PLEKHA5: variants seen among roughly 807,000 people sequenced by gnomAD.
PLEKHA5 encodes pleckstrin homology domain-containing family A member 5.
PLEKHA5 carries 55 observed loss-of-function variants against 181.9 expected under a neutral mutation model. The observed-to-expected ratio is 0.30, with a 90% confidence interval of 0.24 to 0.38. The LOEUF is 0.38. PLEKHA5 is among the 10% of genes least tolerant of loss of function. The pLI, the probability that PLEKHA5 is intolerant of heterozygous loss-of-function variation, is 1.00. For synonymous variants in PLEKHA5, 535 were observed against 529.4 expected (o/e 1.01, Z -0.15); for missense variants, 1,432 against 1,549.5 (o/e 0.92, Z 1.27).
At chr12:19,311,585 T>G (rs1033766546) in intron 15 of PLEKHA5, among the ~76,000 whole-genome samples, 1 of 152,238 alleles carries the variant, frequency 6.6e-6, no homozygotes, top group African/African-American at 2.4e-5. Context: ...AGATTTTATC[T>G]CAAGAAACTA....
intron 10 of PLEKHA5, among the ~76,000 whole-genome samples, chr12:19,273,212 T>G (rs976192824): frequency 6.6e-6 from 1 of 152,160 alleles, no homozygotes; most frequent in African/African-American, 2.4e-5. Flanking sequence ...CCTGGCCAAC[T>G]TTTATTTTTC....
At chr12:19,278,876 G>A (rs550639789) in intron 11 of PLEKHA5, among the ~76,000 whole-genome samples, 10 of 152,140 alleles carry the variant, frequency 6.6e-5, no homozygotes, top group African/African-American at 1.9e-4. Flanking sequence ...GAGACATTTC[G>A]TTCAATTTTG....
At chr12:19,356,681 T>TTG (rs2094947010) in intron 26 of PLEKHA5, among the ~76,000 whole-genome samples, 1 of 146,726 alleles carries the variant, frequency 6.8e-6, no homozygotes, top group Non-Finnish European at 1.5e-5. Flanking sequence ...TTTTTTTTTT[T>TTG]TTTGAGACAG....
chr12:19,374,618 C>T lies in PLEKHA5; in HGVS notation c.*12-913C>T, dbSNP rs1592683117. ...AGGTTGCAGTGAGCCAAGATTGCGC[C>T]ACTGCACTCCAGCCTGGGCGACAGA... On this transcript the variant is annotated intron_variant, in intron 31 of 31. Coordinates refer to ENST00000429027, the MANE Select transcript of PLEKHA5 (RefSeq NM_001256470.2). 4.4e-5 allele frequency among the ~76,000 whole-genome samples: 3 copies of T among 68,376 alleles called. 1 individual carries two copies. The highest frequency in any genetic ancestry group is 1.8e-4 in the African/African-American group (3 of 17,052). The allele number at this position is 68,376 out of a possible 152,430, so 44.9% of individuals were successfully genotyped here. A position where few individuals can be genotyped will look rare whatever the true frequency, so the allele number is the denominator to read the frequency against.
At chr12:19,198,485 C>T (rs1469426714) in intron 3 of PLEKHA5, among the ~76,000 whole-genome samples, 1 of 152,168 alleles carries the variant, frequency 6.6e-6, no homozygotes, top group East Asian at 1.9e-4. Context: ...TGTCTTAGTT[C>T]TTTGCATAAC....
chr12:19,273,671 A>G (rs1454799146), intron 10 of PLEKHA5, among the ~76,000 whole-genome samples: 1 of 152,210 alleles, frequency 6.6e-6, no homozygotes, highest in African/African-American at 2.4e-5. Context: ...GGCAACTAGA[A>G]TAGTGAGCAA....
intron 3 of PLEKHA5, among the ~76,000 whole-genome samples, chr12:19,177,487 T>G (rs2047588903): frequency 1.3e-5 from 2 of 152,202 alleles, no homozygotes; most frequent in African/African-American, 4.8e-5. Flanking sequence ...GCAGTTGTTA[T>G]GCAGACGAGT....
At chr12:19,141,030 G>T (rs2037111589) in intron 3 of PLEKHA5, among the ~76,000 whole-genome samples, 1 of 152,086 alleles carries the variant, frequency 6.6e-6, no homozygotes, top group African/African-American at 2.4e-5. Context: ...CTGACCTCAG[G>T]TCATCCACCT....
chr12:19,206,148 A>G (rs2055429578), intron 3 of PLEKHA5, among the ~76,000 whole-genome samples: 1 of 152,054 alleles, frequency 6.6e-6, no homozygotes, highest in African/African-American at 2.4e-5. Flanking sequence ...CTCTGAGCTC[A>G]TATTATGGTG....
intron 11 of PLEKHA5, among the ~76,000 whole-genome samples, chr12:19,281,768 TTTGTTGTTG>T (rs71064075): frequency 5.3e-5 from 8 of 149,618 alleles, no homozygotes; most frequent in Non-Finnish European, 7.4e-5. Context: ...CAAAGTGGTT[TTTGTTGTTG>T]TTGTTGTTGT....
chr12:19,368,796 A>G (rs777769790), intron 30 of PLEKHA5, among the ~76,000 whole-genome samples: 32 of 152,152 alleles, frequency 2.1e-4, no homozygotes, highest in Non-Finnish European at 4.0e-4. Flanking sequence ...CTGTCTCTAA[A>G]TAAATGAATA....
At chr12:19,290,950 T>C (rs1176537833) in intron 14 of PLEKHA5, among the ~76,000 whole-genome samples, 154 bp downstream of exon 14, 1 of 152,218 alleles carries the variant, frequency 6.6e-6, no homozygotes, top group African/African-American at 2.4e-5. Context: ...CCTTTGAGAA[T>C]TCAACTTATT....
At chr12:19,334,519 G>A (rs996909829) in intron 20 of PLEKHA5, among the ~76,000 whole-genome samples, 3 of 152,014 alleles carry the variant, frequency 2.0e-5, no homozygotes, top group Non-Finnish European at 4.4e-5. Flanking sequence ...GTGTTAGCCT[G>A]TAATACCCTC....
chr12:19,245,748 A>AC (rs1456835378), intron 3 of PLEKHA5, among the ~76,000 whole-genome samples: 1 of 150,258 alleles, frequency 6.7e-6, no homozygotes, highest in African/African-American at 2.5e-5. Flanking sequence ...AAAAAAAAAA[A>AC]AACCTTCCTT....
intron 10 of PLEKHA5, among the ~76,000 whole-genome samples, chr12:19,272,160 C>G (rs1227527750): frequency 6.6e-6 from 1 of 151,252 alleles, no homozygotes; most frequent in Non-Finnish European, 1.5e-5. Flanking sequence ...CATTGATGGC[C>G]CAAAGAAAAA....
At chr12:19,291,790 G>A (rs552012019) in intron 15 of PLEKHA5, 93 bp downstream of exon 15, 10 of 633,776 alleles carry the variant, frequency 1.6e-5, no homozygotes, top group African/African-American at 7.5e-5. Context: ...TTTCAGTCAC[G>A]TTGAATTAAT....
intron 20 of PLEKHA5, among the ~76,000 whole-genome samples, chr12:19,325,010 A>T (rs2091762031): frequency 1.3e-5 from 2 of 152,196 alleles, no homozygotes; most frequent in Non-Finnish European, 2.9e-5. Context: ...TGGGATTAAT[A>T]AATTAAATCT....
At chr12:19,276,104 A>G (rs772395048) in intron 11 of PLEKHA5, among the ~76,000 whole-genome samples, 1 of 152,208 alleles carries the variant, frequency 6.6e-6, no homozygotes, top group South Asian at 2.1e-4. Context: ...TAACATGCAT[A>G]TTATGGCTTA....
rs1004251584 is a variant in PLEKHA5, at chr12:19,314,882, A to G, written c.2106A>G (p.Gln702=). ...TMIENSALRP[Q]LYQQFLRQKS... ...TTGAGAACTCGGCGCTAAGACCCCA[A>G]CTGTACCAGCAAGTAAGGTCTTGGA... Residue 702 remains glutamine (Q), a synonymous_variant, in exon 16 of 32, where the codon CAA becomes CAG. Transcript: ENST00000429027. The G allele has an allele frequency of 6.5e-7, 1 of 1,535,396 alleles. No individual in the cohort carries two copies. The highest frequency in any genetic ancestry group is 8.8e-7 in the Non-Finnish European group (1 of 1,132,228).
Sources: allele counts gnomAD v4.1 joint callset (sites outside exome capture counted in the v4.1 genomes callset), GRCh38; gene constraint gnomAD v4.1.1; transcripts MANE v1.5; gene names NCBI Gene and HGNC (gene_info 2026-07-23, HGNC 2026-07-21).